OPCML: variants seen among roughly 807,000 people sequenced by gnomAD.
OPCML encodes opioid-binding protein/cell adhesion molecule.
In OPCML, 13 loss-of-function variants were observed where a neutral mutation model predicts 37.8. The ratio of observed to expected loss-of-function variants is 0.34; its 90% CI spans 0.22 to 0.55. The LOEUF (loss-of-function observed/expected upper bound fraction) is 0.55. OPCML is among the 20% of genes least tolerant of loss of function. The probability of loss-of-function intolerance (pLI) is 0.91; values close to 1 mark genes in which losing one functional copy is unlikely to be tolerated. For missense variants in OPCML, 341 were observed against 435.6 expected (o/e 0.78, Z 1.93); for synonymous variants, 176 against 168.8 (o/e 1.04, Z -0.33).
At chr11:133,027,444 G>T (rs538316482) in intron 1 of OPCML, among the ~76,000 whole-genome samples, 6 of 151,890 alleles carry the variant, frequency 4.0e-5, no homozygotes, top group African/African-American at 1.2e-4. Context: ...CTTAACTAGT[G>T]TGTGTATGTC....
intron 2 of OPCML, 95 bp downstream of exon 2, chr11:132,942,831 T>C: frequency 6.6e-7 from 1 of 1,514,378 alleles, no homozygotes; most frequent in Non-Finnish European, 9.0e-7. Flanking sequence ...CCACTCGCGT[T>C]CCGGTCCCCC....
chr11:133,203,826 A>C (rs966536691), intron 1 of OPCML, among the ~76,000 whole-genome samples: 7 of 152,238 alleles, frequency 4.6e-5, no homozygotes, highest in Admixed American at 1.3e-4. Flanking sequence ...TGGGAGGCTG[A>C]GGCGGGTGGA....
chr11:132,758,400 G>A (rs1236882778), intron 2 of OPCML, among the ~76,000 whole-genome samples: 1 of 152,120 alleles, frequency 6.6e-6, no homozygotes, highest in Non-Finnish European at 1.5e-5. Flanking sequence ...TGGGCAGTAT[G>A]GCCATTTTCA....
At chr11:132,987,253 G>C (rs11223315) in intron 1 of OPCML, among the ~76,000 whole-genome samples, 22,834 of 152,112 alleles carry the variant, frequency 0.15, 1,975 homozygotes, top group Non-Finnish European at 0.19. Flanking sequence ...GTTTTGTAAG[G>C]GGGAGGGAGG....
At chr11:133,111,210 A>G (rs1949249110) in intron 1 of OPCML, among the ~76,000 whole-genome samples, 1 of 152,156 alleles carries the variant, frequency 6.6e-6, no homozygotes, top group African/African-American at 2.4e-5. Flanking sequence ...ATGTGCTATG[A>G]CCCCAGCAGA....
chr11:132,537,260 T>C lies in OPCML; in HGVS notation c.380-8074A>G, dbSNP rs117493232. Among the ~76,000 whole-genome samples, 514 of 152,306 alleles carry C rather than the reference T, an allele frequency of 3.4e-3. 1 individual carries two copies. Among genetic ancestry groups the C allele is most frequent in the Non-Finnish European group, 6.2e-3 (421 of 68,020 alleles). ...AGGCATATACATCAATGGAATAGAA[T>C]TGAGAATCCAAAAATATATCCACAT... On this transcript the variant is annotated intron_variant, in intron 3 of 7. Transcript: ENST00000524381.
At chr11:133,122,770 G>GA (rs1177483547) in intron 1 of OPCML, among the ~76,000 whole-genome samples, 1 of 152,076 alleles carries the variant, frequency 6.6e-6, no homozygotes, top group South Asian at 2.1e-4. Flanking sequence ...ACCTCAACTA[G>GA]AAAATTCAAC....
chr11:132,672,132 C>A (rs1055307899), intron 2 of OPCML, among the ~76,000 whole-genome samples: 1 of 152,078 alleles, frequency 6.6e-6, no homozygotes, highest in African/African-American at 2.4e-5. Flanking sequence ...TCTCATTCTC[C>A]TTTTCCTGCT....
chr11:133,015,185 T>C (rs993653611), intron 1 of OPCML, among the ~76,000 whole-genome samples: 3 of 152,072 alleles, frequency 2.0e-5, no homozygotes, highest in Non-Finnish European at 4.4e-5. Flanking sequence ...GATTGATTGA[T>C]AGAGTGATAG....
intron 2 of OPCML, among the ~76,000 whole-genome samples, chr11:132,782,059 C>G (rs1947048201): frequency 6.6e-6 from 1 of 150,922 alleles, no homozygotes; most frequent in Admixed American, 6.6e-5. Flanking sequence ...CATCTGCAGC[C>G]CCTCTCTTCC....
chr11:133,198,637 G>A (rs1383283662), intron 1 of OPCML, among the ~76,000 whole-genome samples: 5 of 152,230 alleles, frequency 3.3e-5, no homozygotes, highest in Admixed American at 1.3e-4. Flanking sequence ...CATCTATTCT[G>A]TTGTCTCCCA....
At chr11:133,304,514 G>A (rs1942862279) in intron 1 of OPCML, among the ~76,000 whole-genome samples, 1 of 152,194 alleles carries the variant, frequency 6.6e-6, no homozygotes, top group African/African-American at 2.4e-5. Context: ...CACAACGTGT[G>A]CTTGGATACC....
At chr11:132,765,482 G>A (rs141647070) in intron 2 of OPCML, among the ~76,000 whole-genome samples, 1,606 of 152,220 alleles carry the variant, frequency 0.011, 13 homozygotes, top group Middle Eastern at 0.031. Context: ...CCGATGGCAC[G>A]GCTTCCTGTT....
intron 1 of OPCML, among the ~76,000 whole-genome samples, chr11:133,156,907 C>A (rs1950069965): frequency 6.6e-6 from 1 of 152,084 alleles, no homozygotes; most frequent in Non-Finnish European, 1.5e-5. Context: ...TGGAGCTGGA[C>A]TAAGAACACC....
At chr11:132,605,791 G>A (rs1938252509) in intron 3 of OPCML, among the ~76,000 whole-genome samples, 1 of 152,168 alleles carries the variant, frequency 6.6e-6, no homozygotes, top group South Asian at 2.1e-4. Context: ...GTTTGTCCAT[G>A]TCCAATCTAC....
chr11:132,601,288 C>G (rs967644694), intron 3 of OPCML, among the ~76,000 whole-genome samples: 3 of 152,062 alleles, frequency 2.0e-5, no homozygotes, highest in Non-Finnish European at 4.4e-5. Context: ...AGCTCTTATT[C>G]TGCTCCAGGA....
intron 2 of OPCML, among the ~76,000 whole-genome samples, chr11:132,924,845 T>C (rs1944934682): frequency 1.3e-5 from 2 of 151,836 alleles, no homozygotes; most frequent in African/African-American, 4.9e-5. Context: ...TCACTATTTC[T>C]ATACATATCT....
At chr11:133,439,672 T>G (rs1191683367) in intron 1 of OPCML, among the ~76,000 whole-genome samples, 1 of 151,976 alleles carries the variant, frequency 6.6e-6, no homozygotes, top group African/African-American at 2.4e-5. Context: ...TTTCACCGTT[T>G]TAGCCAGGAT....
At chr11:132,450,536 C>T (rs1016614633) in intron 4 of OPCML, among the ~76,000 whole-genome samples, 4 of 151,138 alleles carry the variant, frequency 2.6e-5, no homozygotes, top group Non-Finnish European at 5.9e-5. Context: ...AGGCAGCCAC[C>T]GTTCCAATGC....
Sources: gnomAD v4.1 joint callset for allele counts (sites outside exome capture counted in the v4.1 genomes callset) on GRCh38, gnomAD v4.1.1 for gene constraint, MANE v1.5 for transcripts, NCBI Gene and HGNC (gene_info 2026-07-23, HGNC 2026-07-21) for gene names.